Variants in NAV2 observed in about 807,000 individuals in gnomAD.
NAV2 encodes the protein helicase, APC down-regulated 1.
NAV2 carries 54 observed loss-of-function variants against 223.2 expected under a neutral mutation model. The observed-to-expected ratio is 0.24, with a 90% CI of 0.19 to 0.30. NAV2 has a LOEUF of 0.30. NAV2 is among the 10% of genes least tolerant of loss of function. The pLI, the probability that NAV2 is intolerant of heterozygous loss-of-function variation, is 1.00. For missense variants in NAV2, 2,806 were observed against 3,147.5 expected (o/e 0.89, Z 2.60); for synonymous variants, 1,279 against 1,239.3 (o/e 1.03, Z -0.67).
intron 1 of NAV2, among the ~76,000 whole-genome samples, chr11:19,788,289 C>A (rs117124395): frequency 0.037 from 5,599 of 152,270 alleles, 155 homozygotes; most frequent in Middle Eastern, 0.058. Flanking sequence ...CGTAAGTTTC[C>A]AGATGTCCCC....
At chr11:19,991,865 ACT>A (rs563290557) in intron 11 of NAV2, among the ~76,000 whole-genome samples, 5 of 151,338 alleles carry the variant, frequency 3.3e-5, no homozygotes, top group Admixed American at 2.0e-4. Context: ...CCTCTCTCTG[ACT>A]CTCTGTTATT....
rs568221915 is a variant in NAV2 at position 20,055,276 on chromosome 11, T to C, written c.4643-493T>C. Among the ~76,000 whole-genome samples, 15 of 152,340 alleles carry C rather than the reference T, an allele frequency of 9.8e-5. No homozygotes were observed. The South Asian group carries it at 2.9e-3, about 29-fold the overall frequency. On this transcript the variant is annotated intron_variant, in intron 18 of 37. Coordinates refer to ENST00000349880, the MANE Select transcript of NAV2 (RefSeq NM_145117.5). ...AGTTTTAGCTGAGACAAATGTACCT[T>C]CCTTGCATTGAAACTCTTTATATAC...
chr11:19,457,525 T>C (rs1476489873), intron 1 of NAV2, among the ~76,000 whole-genome samples: 1 of 152,084 alleles, frequency 6.6e-6, no homozygotes, highest in African/African-American at 2.4e-5. Context: ...TTATTGACCA[T>C]GGTAAGGAGT....
At chr11:19,757,009 A>AGCTGGGCTGGGCTGG (rs144431320) in intron 1 of NAV2, among the ~76,000 whole-genome samples, 11 of 151,354 alleles carry the variant, frequency 7.3e-5, no homozygotes, top group South Asian at 2.1e-4. Context: ...GGCTGGACTG[A>AGCTGGGCTGGGCTGG]GCTGGGCTGG....
intron 1 of NAV2, among the ~76,000 whole-genome samples, chr11:19,547,900 T>G (rs2044556112): frequency 6.6e-6 from 1 of 152,218 alleles, no homozygotes; most frequent in Admixed American, 6.5e-5. Flanking sequence ...GCAGTCTGGA[T>G]AGTAAATGTT....
At chr11:19,828,463 A>G (rs1313932523) in intron 1 of NAV2, among the ~76,000 whole-genome samples, 1 of 151,858 alleles carries the variant, frequency 6.6e-6, no homozygotes, top group Non-Finnish European at 1.5e-5. Flanking sequence ...TATCTGGCTT[A>G]TTTCACTTAG....
At chr11:19,410,946 G>A (rs2133392114) in intron 1 of NAV2, among the ~76,000 whole-genome samples, 1 of 152,286 alleles carries the variant, frequency 6.6e-6, no homozygotes, top group Admixed American at 6.5e-5. Flanking sequence ...TAGCTAGTCT[G>A]AAATACAGGG....
intron 6 of NAV2, among the ~76,000 whole-genome samples, chr11:19,892,915 T>A (rs763172143): frequency 3.3e-5 from 5 of 152,224 alleles, no homozygotes; most frequent in Non-Finnish European, 7.3e-5. Flanking sequence ...ATATATTAAG[T>A]AGTTTTTCAG....
intron 1 of NAV2, among the ~76,000 whole-genome samples, chr11:19,409,822 G>C (rs1000599682): frequency 2.6e-5 from 4 of 152,160 alleles, no homozygotes; most frequent in Non-Finnish European, 5.9e-5. Flanking sequence ...TTCTGTTGTA[G>C]AGCTGGTATT....
chr11:19,584,551 T>A (rs1330497283), intron 1 of NAV2, among the ~76,000 whole-genome samples: 1 of 152,370 alleles, frequency 6.6e-6, no homozygotes, highest in Non-Finnish European at 1.5e-5. Flanking sequence ...CTGCTTTGAA[T>A]GTGTCCCAGA....
At chr11:19,795,598 CAG>C (rs1489026391) in intron 1 of NAV2, among the ~76,000 whole-genome samples, 2 of 152,116 alleles carry the variant, frequency 1.3e-5, no homozygotes, top group African/African-American at 2.4e-5. Flanking sequence ...GTTTGTGAAA[CAG>C]AGATTTATAA....
chr11:19,865,019 G>A (rs1315855795), intron 3 of NAV2, among the ~76,000 whole-genome samples: 1 of 152,082 alleles, frequency 6.6e-6, no homozygotes, highest in Non-Finnish European at 1.5e-5. Flanking sequence ...CCAGTCCCCA[G>A]CCCCCTTCAA....
chr11:19,897,650 C>T (rs2153172789), intron 6 of NAV2, among the ~76,000 whole-genome samples: 1 of 152,136 alleles, frequency 6.6e-6, no homozygotes, highest in East Asian at 1.9e-4. Flanking sequence ...TGACCAAGTA[C>T]ACAGTTCATG....
chr11:19,537,905 G>A (rs2044233658), intron 1 of NAV2, among the ~76,000 whole-genome samples: 1 of 152,238 alleles, frequency 6.6e-6, no homozygotes, highest in African/African-American at 2.4e-5. Context: ...ATTAAGAGGT[G>A]AAATATTTGT....
At chr11:20,075,718 T>G (rs1469465470) in intron 22 of NAV2, among the ~76,000 whole-genome samples, 1 of 151,900 alleles carries the variant, frequency 6.6e-6, no homozygotes. Context: ...CCCTCACATC[T>G]CTCCTTAGAT....
chr11:19,620,971 G>A (rs1345000927), intron 1 of NAV2, among the ~76,000 whole-genome samples: 5 of 152,160 alleles, frequency 3.3e-5, no homozygotes, highest in Non-Finnish European at 7.3e-5. Context: ...TTAGCATGAA[G>A]GGTTGTTGAA....
At chr11:19,543,571 C>T (rs2044397865) in intron 1 of NAV2, among the ~76,000 whole-genome samples, 1 of 152,178 alleles carries the variant, frequency 6.6e-6, no homozygotes, top group South Asian at 2.1e-4. Context: ...AAAAAACGTT[C>T]AATTTGGAGT....
chr11:19,996,964 A>G (rs762618448), intron 11 of NAV2, among the ~76,000 whole-genome samples: 1 of 151,940 alleles, frequency 6.6e-6, no homozygotes, highest in Admixed American at 6.6e-5. Context: ...TTCTATTGGT[A>G]CCTCTTTCTT....
At chr11:19,799,592 G>T (rs907525656) in intron 1 of NAV2, among the ~76,000 whole-genome samples, 1 of 151,930 alleles carries the variant, frequency 6.6e-6, no homozygotes, top group African/African-American at 2.4e-5. Context: ...GGGTGGCGGG[G>T]TGAAGAACTG....
Sources: gnomAD v4.1 joint callset for allele counts (sites outside exome capture counted in the v4.1 genomes callset) on GRCh38, gnomAD v4.1.1 for gene constraint, MANE v1.5 for transcripts, NCBI Gene and HGNC (gene_info 2026-07-23, HGNC 2026-07-21) for gene names.